CRLF1: variants seen among roughly 807,000 people sequenced by gnomAD.
The protein encoded by CRLF1 is cytokine receptor-like factor 1.
In CRLF1, 36 loss-of-function variants were observed where a neutral mutation model predicts 48.9. The ratio of observed to expected loss-of-function variants is 0.74; its 90% CI spans 0.56 to 0.97. CRLF1 has a LOEUF of 0.97. Ranked by LOEUF, CRLF1 falls within the 50% of genes least tolerant of loss-of-function variation. The pLI, the probability that CRLF1 is intolerant of heterozygous loss-of-function variation, is 0.00. For missense variants in CRLF1, 534 were observed against 575.1 expected (o/e 0.93, Z 0.73); for synonymous variants, 256 against 253.4 (o/e 1.01, Z -0.10).
In CRLF1 at chr19:18,596,955, C is replaced by A; in HGVS notation, c.792G>T (p.Lys264Asn). Residue 264 changes from lysine (K) to asparagine (N), a missense_variant, in exon 5 of 9, where the codon AAG (lysine) becomes AAT (asparagine). Transcript: ENST00000392386. ...SVRWVSPPAL[K>N]DFLFQAKYQI... is the part of the protein sequence containing the mutation. ...GGTATTTGGCTTGAAAGAGGAAATC[C>A]TTGAGGGCGGGTGGCGACACCCAGC... 6.2e-7 allele frequency: 1 copy of A among 1,614,022 alleles called. No homozygotes were observed. Among genetic ancestry groups the A allele is most frequent in the Non-Finnish European group, 8.5e-7 (1 of 1,180,000 alleles).
At chr19:18,604,610 C>T (rs1358292708) in intron 1 of CRLF1, among the ~76,000 whole-genome samples, 2 of 152,190 alleles carry the variant, frequency 1.3e-5, no homozygotes, top group Non-Finnish European at 2.9e-5. Flanking sequence ...ACTAGGCACT[C>T]CCTCCAGGCC....
At chr19:18,595,802 ACAG>A (rs2145328245) in intron 6 of CRLF1, among the ~76,000 whole-genome samples, 1 of 152,360 alleles carries the variant, frequency 6.6e-6, no homozygotes, top group Admixed American at 6.5e-5. Context: ...GAAATCCCAG[ACAG>A]CAAGAGGAAG....
In CRLF1 at chr19:18,594,079, C is replaced by T. The variant is rs1555757514; in HGVS notation, c.1241G>A (p.Arg414Gln). The T allele has an allele frequency of 5.1e-6, 8 of 1,557,844 alleles. No individual in the cohort carries two copies. The highest frequency in any genetic ancestry group is 1.2e-5 in the South Asian group (1 of 84,448). ...GCCCACCTTACCTCTCGCCGTGCCC[C>T]GTCTGCCCGAGGGCAGGATCCCCTC... The part of the protein sequence containing the change: ...QDEGILPSGR[R>Q]GTARGPAR The change falls in exon 8 of 9, where the codon CGG (arginine) becomes CAG (glutamine). Residue 414 changes from arginine to glutamine, a missense_variant. Arg to Gln is a conservative substitution (Grantham distance 43). Transcript: ENST00000392386.
Position 18,598,838 on chromosome 19 carries a change from C to T in CRLF1, c.461G>A (p.Arg154His), listed in dbSNP as rs189608159. The T allele has an allele frequency of 2.3e-5, 37 of 1,614,078 alleles. No individual in the cohort carries two copies. In the South Asian group the frequency reaches 3.2e-4, roughly 14 times the overall value. ...CTCCCCGTGGGCCCCTGGCGTCCAG[C>T]GGCAGGTCAAGTCCTTCATGTTCTT... is the stretch of plus-strand genomic sequence containing the variant. ...WSKNMKDLTC[R>H]WTPGAHGETF... Residue 154 changes from arginine to histidine, a missense_variant, in exon 3 of 9, where the codon CGC becomes CAC. Arg to His is a conservative substitution (Grantham distance 29). Transcript: ENST00000392386.
At chr19:18,593,640 C>T in intron 8 of CRLF1, 61 bp from the exon 9 acceptor site, 6 of 1,565,312 alleles carry the variant, frequency 3.8e-6, no homozygotes, top group Non-Finnish European at 4.3e-6. Context: ...CACCACAGAG[C>T]CACTGAAGGA....
Position 18,606,438 on chromosome 19 carries a change from C to T in CRLF1, c.115+104G>A. On this transcript the variant is annotated intron_variant, in intron 1 of 8. Transcript: ENST00000392386. The surrounding 1 kb of genome is among the most constrained non-coding windows in gnomAD (Gnocchi z 4.8). The stretch of plus-strand genomic sequence containing the variant: ...CGCCGGGGGCGCCTTCCTTTGTTCC[C>T]CGGCCGTCCAGGTGGCGCCCGCGCC... 4.4e-6 allele frequency: 4 copies of T among 917,434 alleles called. No homozygotes were observed. The highest frequency in any genetic ancestry group is 5.3e-6 in the Non-Finnish European group (4 of 760,980). The allele number at this position is 917,434 out of a possible 1,614,324, so 56.8% of individuals were successfully genotyped here.
chr19:18,598,454 G>A lies in CRLF1; in HGVS notation c.675C>T (p.Leu225=). 1 of 1,613,976 alleles carries A rather than the reference G, an allele frequency of 6.2e-7. No homozygotes were observed. Among genetic ancestry groups the A allele is most frequent in the Non-Finnish European group, 8.5e-7 (1 of 1,179,910 alleles). The part of the protein sequence containing the change: ...NRLGSARSDV[L]TLDILDVVTT... Reference sequence around the variant, plus strand: ...CACCCACATCCAGGATATCCAGCGTGAGTACATCGGAGCGGGCAGAGCCCA... The same window carrying A: ...CACCCACATCCAGGATATCCAGCGTAAGTACATCGGAGCGGGCAGAGCCCA... Residue 225 remains leucine (L), a synonymous_variant, in exon 4 of 9, where the codon CTC becomes CTT. Transcript: ENST00000392386.
Position 18,594,257 on chromosome 19 carries a change from G to A in CRLF1, c.1202C>T (p.Thr401Ile), listed in dbSNP as rs1976099016. 1.2e-6 allele frequency: 2 copies of A among 1,612,632 alleles called. No homozygotes were observed. Among genetic ancestry groups the A allele is most frequent in the African/African-American group, 1.3e-5 (1 of 74,940 alleles). The change falls in exon 7 of 9, where the codon ACC becomes ATC. Residue 401 changes from threonine to isoleucine, a missense_variant. Coordinates refer to ENST00000392386, the MANE Select transcript of CRLF1 (RefSeq NM_004750.5). Reference protein sequence around the residue: ...WRAWMQKSHKTRNQDEGILPS... With the variant: ...WRAWMQKSHKIRNQDEGILPS... ...GTCCCTCCTTCCTACCTGGTTGCGG[G>A]TCTTGTGCGACTTCTGCATCCAGGC...
In CRLF1 at chr19:18,597,054, G is replaced by A; in HGVS notation, c.698-5C>T. On this transcript the variant is annotated splice_polypyrimidine_tract_variant and splice_region_variant and intron_variant, in intron 4 of 8. Transcript: ENST00000392386. Reference sequence around the variant, plus strand: ...CGGGCGGGGGGTCCGTGGTCACTGCGGGGCAGAGGAGGGACCCTCTCAGCC... The same window carrying A: ...CGGGCGGGGGGTCCGTGGTCACTGCAGGGCAGAGGAGGGACCCTCTCAGCC... 1.2e-6 allele frequency: 2 copies of A among 1,611,716 alleles called. No individual in the cohort carries two copies. Among genetic ancestry groups the A allele is most frequent in the Non-Finnish European group, 1.7e-6 (2 of 1,178,948 alleles).
In CRLF1 at chr19:18,596,730, C is replaced by T. The variant is rs778815231; in HGVS notation, c.916G>A (p.Val306Met). 3.7e-6 allele frequency: 6 copies of T among 1,614,104 alleles called. No homozygotes were observed. Among genetic ancestry groups the T allele is most frequent in the East Asian group, 2.2e-5 (1 of 44,886 alleles). Residue 306 changes from valine (V) to methionine (M), a missense_variant, in exon 6 of 9, where the codon GTG becomes ATG. By Grantham distance (21) the Val-to-Met change is conservative (BLOSUM62 1). Around this residue, in one of 2 missense-constraint regions of CRLF1, gnomAD observed 528 missense variants for 555.7 expected, o/e 0.95. Coordinates refer to ENST00000392386, the MANE Select transcript of CRLF1 (RefSeq NM_004750.5). ...CRLAGLKPGTVYFVQVRCNPF... is the reference protein window; with the variant it reads ...CRLAGLKPGTMYFVQVRCNPF... ...TTGCAGCGCACTTGCACGAAGTACA[C>T]GGTGCCGGGTTTCAGGCCGGCCAGG...
At position 18,596,890 on chromosome 19, in the gene CRLF1, A is replaced by C. The variant is rs754806079; in HGVS notation, c.855+2T>G. ...GGCGGAGTCAGGGAAGGGGAGGGTCACCTTCCAGTCCACACTGTCCTCCAC... is the reference window on the plus strand; with the variant it reads ...GGCGGAGTCAGGGAAGGGGAGGGTCCCCTTCCAGTCCACACTGTCCTCCAC... On this transcript the variant is annotated splice_donor_variant, in intron 5 of 8. Transcript: ENST00000392386. LOFTEE classifies it high-confidence loss of function. The C allele has an allele frequency of 7.4e-6, 12 of 1,613,886 alleles. No individual in the cohort carries two copies. Among genetic ancestry groups the C allele is most frequent in the Non-Finnish European group, 2.5e-6 (3 of 1,179,946 alleles).
chr19:18,599,935 C>T (rs1467681917), intron 1 of CRLF1, 89 bp from the exon 2 acceptor site: 1 of 1,305,242 alleles, frequency 7.7e-7, no homozygotes, highest in Non-Finnish European at 1.0e-6. Context: ...CATGGTGGTC[C>T]TGAAAAGACG....
intron 8 of CRLF1, 35 bp downstream of exon 8, chr19:18,594,030 G>GGGTGGGGGGGC: frequency 7.6e-7 from 1 of 1,315,312 alleles, no homozygotes; most frequent in Non-Finnish European, 1.1e-6. Flanking sequence ...CCCTCCCCTT[G>GGGTGGGGGGGC]CTCCCTCCCG....
Position 18,593,370 on chromosome 19 carries a change from C to T in CRLF1, c.*196G>A, listed in dbSNP as rs1976081539. The T allele has an allele frequency of 2.9e-6, 2 of 692,846 alleles. No individual in the cohort carries two copies. The highest frequency in any genetic ancestry group is 4.9e-6 in the Non-Finnish European group (2 of 409,026). 42.9% of individuals were successfully genotyped at this position (692,846 alleles called of 1,614,324 possible). ...CTCAACCAACCCTCACACACACACA[C>T]ACACCCACTGGGGTGCACCCAAAGG... is the stretch of plus-strand genomic sequence containing the variant. On this transcript the variant is annotated 3_prime_UTR_variant, in exon 9 of 9. Transcript: ENST00000392386.
At chr19:18,604,773 G>A (rs931296633) in intron 1 of CRLF1, among the ~76,000 whole-genome samples, 1 of 152,318 alleles carries the variant, frequency 6.6e-6, no homozygotes, top group African/African-American at 2.4e-5. Context: ...AGATCCCTAG[G>A]TTGGGCTTTT....
At chr19:18,601,037 C>T (rs1016076708) in intron 1 of CRLF1, among the ~76,000 whole-genome samples, 1 of 152,028 alleles carries the variant, frequency 6.6e-6, no homozygotes, top group Non-Finnish European at 1.5e-5. Context: ...AACTCCTGGC[C>T]TCAAGCGATC....
intron 6 of CRLF1, among the ~76,000 whole-genome samples, chr19:18,595,529 C>T (rs908994001): frequency 6.6e-6 from 1 of 152,226 alleles, no homozygotes; most frequent in African/African-American, 2.4e-5. Flanking sequence ...AGTGTCCTCA[C>T]CTGAGAAAAA....
At position 18,598,912 on chromosome 19, in the gene CRLF1, G is replaced by T. The variant is rs772867588; in HGVS notation, c.398-11C>A. On this transcript the variant is annotated splice_polypyrimidine_tract_variant and intron_variant, in intron 2 of 8. Transcript: ENST00000392386. Reference sequence around the variant, plus strand: ...GTTTCTCTGGGGGCACTGGGAGAAGGGGAGGGTGCAGGAAGCAGGCTGAGG... The same window carrying T: ...GTTTCTCTGGGGGCACTGGGAGAAGTGGAGGGTGCAGGAAGCAGGCTGAGG... 3 of 1,613,566 alleles carry T rather than the reference G, an allele frequency of 1.9e-6. No homozygotes were observed. The highest frequency in any genetic ancestry group is 2.5e-6 in the Non-Finnish European group (3 of 1,179,892).
Position 18,606,406 on chromosome 19 carries a change from AGGGCTGCGCCGG to A in CRLF1, c.115+124_115+135del, listed in dbSNP as rs1474120080. On this transcript the variant is annotated intron_variant, in intron 1 of 8. Coordinates refer to ENST00000392386, the MANE Select transcript of CRLF1 (RefSeq NM_004750.5). This position sits in a 1 kb window ranked among gnomAD's most constrained non-coding sequence, Gnocchi z 4.8. Reference sequence around the variant, plus strand: ...GTGCCCCGCAGGTGAGGGCGCCCCGAGGGCTGCGCCGGGGGCGCCTTCCTTTGTTCCCCGGCC... The same window carrying A: ...GTGCCCCGCAGGTGAGGGCGCCCCGAGGGCGCCTTCCTTTGTTCCCCGGCC... 23 of 613,402 alleles carry A rather than the reference AGGGCTGCGCCGG, an allele frequency of 3.7e-5. No homozygotes were observed. Among genetic ancestry groups the A allele is most frequent in the Non-Finnish European group, 4.7e-5 (23 of 488,524 alleles). The allele number at this position is 613,402 out of a possible 1,614,324, so 38.0% of individuals were successfully genotyped here. A position where few individuals can be genotyped will look rare whatever the true frequency, so the allele number is the denominator to read the frequency against.
Sources: gnomAD v4.1 joint callset for allele counts (sites outside exome capture counted in the v4.1 genomes callset) on GRCh38, gnomAD v4.1.1 for gene constraint, gnomAD v4.1.1 regional missense constraint, Gnocchi (gnomAD v3.1) non-coding constraint, MANE v1.5 for transcripts, NCBI Gene and HGNC (gene_info 2026-07-23, HGNC 2026-07-21) for gene names.